The following SEZ6L variants were observed in gnomAD, a reference collection of about 807,000 sequenced individuals.
The protein encoded by SEZ6L is seizure related 6 homolog like, also known as seizure 6-like protein.
SEZ6L carries 37 observed loss-of-function variants against 106.2 expected under a neutral mutation model. The observed-to-expected ratio is 0.35, with a 90% CI of 0.27 to 0.46. The LOEUF is 0.46. Ranked by LOEUF, SEZ6L falls within the 20% of genes least tolerant of loss-of-function variation. The probability of loss-of-function intolerance (pLI) is 1.00; values close to 1 mark genes in which losing one functional copy is unlikely to be tolerated. For synonymous variants in SEZ6L, 541 were observed against 570.4 expected, an observed-to-expected ratio of 0.95 and a Z score of 0.73; for missense variants, 1,172 against 1,332.8, an observed-to-expected ratio of 0.88 and a Z score of 1.88.
intron 12 of SEZ6L, 48 bp from the exon 13 acceptor site, chr22:26,365,324 C>A: frequency 6.5e-7 from 1 of 1,542,762 alleles, no homozygotes; most frequent in Non-Finnish European, 8.9e-7. Context: ...CAGGACTCCC[C>A]AAAGATTTGC....
intron 9 of SEZ6L, among the ~76,000 whole-genome samples, chr22:26,340,128 C>A (rs372159033): frequency 6.6e-6 from 1 of 151,900 alleles, no homozygotes; most frequent in Admixed American, 6.6e-5. Flanking sequence ...CCCAGCTACT[C>A]GGGAGGCTGA....
At chr22:26,305,834 A>C (rs540492386) in intron 5 of SEZ6L, 145 bp from the exon 6 acceptor site, 7 of 858,630 alleles carry the variant, frequency 8.2e-6, no homozygotes, top group Non-Finnish European at 1.2e-5. Context: ...CTGATGTTTC[A>C]TCCTGGGCAA....
intron 10 of SEZ6L, among the ~76,000 whole-genome samples, chr22:26,344,927 A>G (rs2082959110): frequency 1.3e-5 from 2 of 152,234 alleles, no homozygotes; most frequent in African/African-American, 4.8e-5. Flanking sequence ...AAGAGTAGAA[A>G]AGAAGTCTTC....
intron 1 of SEZ6L, among the ~76,000 whole-genome samples, chr22:26,199,719 T>G (rs963432265): frequency 1.3e-5 from 2 of 152,120 alleles, no homozygotes; most frequent in Admixed American, 6.5e-5. Context: ...TGAATTCCCT[T>G]CTCCTAAGTT....
chr22:26,197,174 ATTTCT>A (rs2048626116), intron 1 of SEZ6L, among the ~76,000 whole-genome samples: 1 of 150,044 alleles, frequency 6.7e-6, no homozygotes, highest in East Asian at 2.0e-4. Context: ...CTTGTTATTT[ATTTCT>A]TTTCATTTTA....
At chr22:26,231,347 C>T (rs141661282) in intron 1 of SEZ6L, among the ~76,000 whole-genome samples, 136 of 152,214 alleles carry the variant, frequency 8.9e-4, no homozygotes, top group Middle Eastern at 3.4e-3. Flanking sequence ...CTCTGGTGAG[C>T]GTGTCTTATG....
intron 1 of SEZ6L, among the ~76,000 whole-genome samples, chr22:26,190,096 A>G (rs1237003706): frequency 7.0e-6 from 1 of 142,222 alleles, no homozygotes; most frequent in South Asian, 2.2e-4. Flanking sequence ...GACTGTGTCT[A>G]AAAAAAAAAA....
chr22:26,322,526 C>T (rs374896836), intron 9 of SEZ6L, among the ~76,000 whole-genome samples: 14 of 152,120 alleles, frequency 9.2e-5, no homozygotes, highest in East Asian at 1.9e-4. Flanking sequence ...GATTTATCTC[C>T]GTGAATTATG....
chr22:26,308,676 G>C (rs955853201), intron 6 of SEZ6L, among the ~76,000 whole-genome samples: 4 of 151,226 alleles, frequency 2.6e-5, no homozygotes, highest in Non-Finnish European at 5.9e-5. Context: ...GGAAAAAAAA[G>C]TTTAATTTTT....
intron 13 of SEZ6L, among the ~76,000 whole-genome samples, chr22:26,367,704 C>T (rs1180138739): frequency 1.3e-5 from 2 of 152,124 alleles, no homozygotes; most frequent in African/African-American, 4.8e-5. Context: ...CTCCTCACAA[C>T]CAGTTAGTTC....
intron 1 of SEZ6L, among the ~76,000 whole-genome samples, chr22:26,202,077 C>T (rs1156787046): frequency 6.6e-6 from 1 of 152,026 alleles, no homozygotes; most frequent in African/African-American, 2.4e-5. Context: ...TCACGCCCGG[C>T]TAATTTTTTT....
intron 1 of SEZ6L, among the ~76,000 whole-genome samples, chr22:26,215,926 G>A (rs144289045): frequency 6.6e-6 from 1 of 152,356 alleles, no homozygotes; most frequent in Non-Finnish European, 1.5e-5. Context: ...CGCTTTGCAA[G>A]GCACTGAATC....
intron 1 of SEZ6L, among the ~76,000 whole-genome samples, chr22:26,175,965 G>A (rs1251888182): frequency 1.3e-5 from 2 of 152,208 alleles, no homozygotes; most frequent in Non-Finnish European, 2.9e-5. Context: ...TGGCATGGAA[G>A]GCTGAAGACC....
At chr22:26,299,895 C>A (rs2081400785) in intron 5 of SEZ6L, among the ~76,000 whole-genome samples, 1 of 152,114 alleles carries the variant, frequency 6.6e-6, no homozygotes, top group African/African-American at 2.4e-5. Context: ...TTTTGAGGAA[C>A]CATCAAACGA....
chr22:26,173,513 G>A (rs999377263), intron 1 of SEZ6L, among the ~76,000 whole-genome samples: 6 of 152,144 alleles, frequency 3.9e-5, no homozygotes, highest in Admixed American at 6.5e-5. Flanking sequence ...ACTGGAGATC[G>A]AGCGGATGCA....
In SEZ6L at chr22:26,375,707, G is replaced by C. The variant is rs765703006; in HGVS notation, c.2942+18G>C. ...ATCACAAGGTAGGGAGCTGATGGGGGAGATGACTGCCAAGCACCCAGCCAC... is the reference window on the plus strand; with the variant it reads ...ATCACAAGGTAGGGAGCTGATGGGGCAGATGACTGCCAAGCACCCAGCCAC... On this transcript the variant is annotated intron_variant, in intron 15 of 16. Coordinates refer to ENST00000248933, the MANE Select transcript of SEZ6L (RefSeq NM_021115.5). 9 of 1,588,978 alleles carry C rather than the reference G, an allele frequency of 5.7e-6. No individual in the cohort carries two copies. In the South Asian group the frequency reaches 9.0e-5, roughly 16 times the overall value.
At chr22:26,284,798 G>A (rs11090434) in intron 1 of SEZ6L, among the ~76,000 whole-genome samples, 1 of 152,078 alleles carries the variant, frequency 6.6e-6, no homozygotes, top group Middle Eastern at 3.2e-3. Flanking sequence ...ATTATTTGAA[G>A]ATGTGGGAAA....
At chr22:26,288,132 A>T (rs941767495) in intron 1 of SEZ6L, among the ~76,000 whole-genome samples, 2 of 152,168 alleles carry the variant, frequency 1.3e-5, no homozygotes, top group African/African-American at 4.8e-5. Context: ...TGGGATTGCT[A>T]GGGGAGATCA....
chr22:26,237,486 T>G (rs2078989177), intron 1 of SEZ6L, among the ~76,000 whole-genome samples: 1 of 152,232 alleles, frequency 6.6e-6, no homozygotes, highest in Non-Finnish European at 1.5e-5. Flanking sequence ...AGTTTCTTCA[T>G]CTATAAGATG....
Sources: gnomAD v4.1 joint callset for allele counts (sites outside exome capture counted in the v4.1 genomes callset) on GRCh38, gnomAD v4.1.1 for gene constraint, MANE v1.5 for transcripts, NCBI Gene and HGNC (gene_info 2026-07-23, HGNC 2026-07-21) for gene names.